The following SUN3 variants were observed in gnomAD, a reference collection of about 807,000 sequenced individuals.
SUN3 encodes the protein SUN domain-containing protein 3.
In SUN3, 36 loss-of-function variants were observed where a neutral mutation model predicts 48.2. The ratio of observed to expected loss-of-function variants is 0.75; its 90% CI spans 0.57 to 0.99. The LOEUF (loss-of-function observed/expected upper bound fraction) is 0.99, where lower values mean the gene tolerates loss of function less well. Among genes scored for constraint, SUN3 ranks in the 50% least tolerant of loss-of-function variants. The probability of loss-of-function intolerance (pLI) is 0.00; values close to 1 mark genes in which losing one functional copy is unlikely to be tolerated. For missense variants in SUN3, 419 were observed against 433.1 expected (o/e 0.97, Z 0.29); for synonymous variants, 148 against 147.9 (o/e 1.00, Z 0.00).
At chr7:48,031,705 T>C (rs563999162), upstream of SUN3, among the ~76,000 whole-genome samples, 1 of 152,244 alleles carries the variant, frequency 6.6e-6, no homozygotes, top group Admixed American at 6.5e-5. Flanking sequence ...GGTATATATA[T>C]CCAAAGGAAA....
chr7:48,028,866 C>T lies in SUN3; in HGVS notation c.73G>A (p.Ala25Thr), dbSNP rs1366501433. 6 of 1,613,912 alleles carry T rather than the reference C, an allele frequency of 3.7e-6. No individual in the cohort carries two copies. The highest frequency in any genetic ancestry group is 1.3e-5 in the African/African-American group (1 of 75,024). Residue 25 changes from alanine (A) to threonine (T), a missense_variant, in exon 1 of 10, where the codon GCC becomes ACC. Physicochemically the swap from Ala to Thr is moderately conservative, Grantham distance 58. Coordinates refer to ENST00000297325, the MANE Select transcript of SUN3 (RefSeq NM_001030019.2). ...RRCSEDASGS[A>T]SGNALLSEDE... ...TCTGATAACAAAGCATTGCCACTGG[C>T]GCTACCGCTGGCGTCTTCAGAGCAA... is the stretch of plus-strand genomic sequence containing the variant.
At chr7:48,001,531 G>GTTTTTTTTTTTTTT (rs1166666161) in intron 6 of SUN3, among the ~76,000 whole-genome samples, 2 of 110,516 alleles carry the variant, frequency 1.8e-5, no homozygotes, top group African/African-American at 7.3e-5. Context: ...TGTTTTTTTT[G>GTTTTTTTTTTTTTT]TTTTTTTTTT....
At chr7:47,996,911 C>T (rs1182903933) in intron 6 of SUN3, among the ~76,000 whole-genome samples, 5 of 150,992 alleles carry the variant, frequency 3.3e-5, no homozygotes, top group Non-Finnish European at 5.9e-5. Context: ...AAGTGATTCT[C>T]CTGCCTCAGC....
chr7:47,999,505 T>C (rs1789299202), intron 6 of SUN3, among the ~76,000 whole-genome samples: 1 of 152,182 alleles, frequency 6.6e-6, no homozygotes, highest in African/African-American at 2.4e-5. Context: ...TTCCTGCCTT[T>C]TTTTAAATAT....
intron 8 of SUN3, among the ~76,000 whole-genome samples, chr7:47,991,703 G>A (rs1307484302): frequency 1.3e-5 from 2 of 152,082 alleles, no homozygotes; most frequent in East Asian, 3.9e-4. Flanking sequence ...CAAACTACTC[G>A]GGCTGTACGT....
intron 1 of SUN3, among the ~76,000 whole-genome samples, chr7:48,026,581 AACACACACACACACAC>A (rs112192395): frequency 6.9e-6 from 1 of 145,730 alleles, no homozygotes; most frequent in African/African-American, 2.5e-5. Context: ...CCCACCCCCC[AACACACACACACACAC>A]ACACACACAC....
Position 47,994,333 on chromosome 7 carries a change from G to A in SUN3, c.843C>T (p.Pro281=). 2 of 1,613,046 alleles carry A rather than the reference G, an allele frequency of 1.2e-6. No homozygotes were observed. Among genetic ancestry groups the A allele is most frequent in the South Asian group, 2.2e-5 (2 of 90,826 alleles). ...TTCTTACATAGACAGAAAATTCCTT[G>A]GGTGCACTGGAGATGTTTCCTGACG... ...VSPSGNISSA[P]KEFSVYGITK... is the part of the protein sequence containing the mutation. The change falls in exon 8 of 10, where the codon CCC becomes CCT. Residue 281 remains proline, a synonymous_variant. Transcript: ENST00000297325.
intron 1 of SUN3, 140 bp from the exon 2 acceptor site, chr7:48,026,078 T>C (rs1790126245): frequency 1.6e-6 from 1 of 619,068 alleles, no homozygotes. Context: ...TGAATTACTT[T>C]AATTTCCAAT....
upstream of SUN3, among the ~76,000 whole-genome samples, chr7:48,032,355 A>G (rs947269415): frequency 1.3e-5 from 2 of 152,260 alleles, no homozygotes; most frequent in Non-Finnish European, 2.9e-5. Flanking sequence ...CACAACGTAC[A>G]TGTGTATAAA....
chr7:48,017,236 T>C (rs749460996), intron 3 of SUN3, 26 bp downstream of exon 3: 23 of 1,320,294 alleles, frequency 1.7e-5, no homozygotes, highest in Non-Finnish European at 6.4e-6. Flanking sequence ...ATGAGTGATA[T>C]ACAAAATTAC....
At chr7:47,988,289 C>T (rs576983586) in intron 9 of SUN3, among the ~76,000 whole-genome samples, 2 of 152,296 alleles carry the variant, frequency 1.3e-5, no homozygotes, top group South Asian at 2.1e-4. Context: ...GGATATATTT[C>T]ATTTGCCTTG....
At chr7:48,033,633 T>G (rs1031186124), upstream of SUN3, among the ~76,000 whole-genome samples, 1 of 152,192 alleles carries the variant, frequency 6.6e-6, no homozygotes, top group Non-Finnish European at 1.5e-5. Context: ...TCACTGAACT[T>G]ATGATTTCAG....
chr7:47,993,352 C>A (rs951053988), intron 8 of SUN3, among the ~76,000 whole-genome samples: 9 of 152,062 alleles, frequency 5.9e-5, no homozygotes, highest in African/African-American at 1.9e-4. Flanking sequence ...AAAACTTGTA[C>A]ATGAATGTTT....
chr7:47,987,335 T>G lies in SUN3; in HGVS notation c.1069A>C (p.Ile357Leu). ...GGCCTTCTGTACCAACTCTTCTAGA[T>G]GTGCTTGCCTGGTGTGCCATGGACC... Reference protein sequence around the residue: ...FRVHGTPGKHI With the variant: ...FRVHGTPGKHL Residue 357 changes from isoleucine (I) to leucine (L), a missense_variant, in exon 10 of 10, where the codon ATC becomes CTC. Coordinates refer to ENST00000297325, the MANE Select transcript of SUN3 (RefSeq NM_001030019.2). 1 of 1,611,930 alleles carries G rather than the reference T, an allele frequency of 6.2e-7. No individual in the cohort carries two copies. The highest frequency in any genetic ancestry group is 8.5e-7 in the Non-Finnish European group (1 of 1,178,818).
At chr7:48,019,313 G>T (rs1769921626) in intron 2 of SUN3, among the ~76,000 whole-genome samples, 1 of 152,050 alleles carries the variant, frequency 6.6e-6, no homozygotes, top group Non-Finnish European at 1.5e-5. Context: ...TAAGAGGGAA[G>T]ATTATAGTTG....
At chr7:48,025,821 C>T (rs1583784800) in intron 2 of SUN3, 56 bp downstream of exon 2, 1 of 1,215,474 alleles carries the variant, frequency 8.2e-7, no homozygotes, top group Non-Finnish European at 1.2e-6. Context: ...ATCTCTCTCA[C>T]CAGGCAGACA....
At chr7:48,028,019 C>G (rs1191847050) in intron 1 of SUN3, among the ~76,000 whole-genome samples, 2 of 152,140 alleles carry the variant, frequency 1.3e-5, no homozygotes, top group Non-Finnish European at 2.9e-5. Context: ...CCAGGCTCTG[C>G]ATTGCAAAAT....
At chr7:47,996,869 T>C (rs372222913) in intron 6 of SUN3, among the ~76,000 whole-genome samples, 44 of 151,224 alleles carry the variant, frequency 2.9e-4, no homozygotes, top group African/African-American at 1.0e-3. Flanking sequence ...TGGTGGAATC[T>C]TGGCTCACTG....
chr7:48,017,885 A>G (rs1789855752), intron 2 of SUN3, among the ~76,000 whole-genome samples: 1 of 152,172 alleles, frequency 6.6e-6, no homozygotes, highest in Non-Finnish European at 1.5e-5. Flanking sequence ...ATATCTATTG[A>G]AAGACTTCAA....
Sources: allele counts gnomAD v4.1 joint callset (sites outside exome capture counted in the v4.1 genomes callset), GRCh38; gene constraint gnomAD v4.1.1; transcripts MANE v1.5; gene names NCBI Gene and HGNC (gene_info 2026-07-23, HGNC 2026-07-21).